Variants in ASIC2 observed in about 807,000 individuals in gnomAD.
ASIC2 encodes the protein acid sensing ion channel subunit 2.
ASIC2 carries 25 observed loss-of-function variants against 57.3 expected under a neutral mutation model. The ratio of observed to expected loss-of-function variants is 0.44; its 90% CI spans 0.32 to 0.61. ASIC2 has a LOEUF of 0.61. Among genes scored for constraint, ASIC2 ranks in the 20% least tolerant of loss-of-function variants. The pLI is 0.06. For synonymous variants in ASIC2, 319 were observed against 307.5 expected, an observed-to-expected ratio of 1.04 and a Z score of -0.39; for missense variants, 641 against 738.1, an observed-to-expected ratio of 0.87 and a Z score of 1.52.
intron 1 of ASIC2, among the ~76,000 whole-genome samples, chr17:33,238,079 T>A (rs1908364133): frequency 6.6e-6 from 1 of 152,318 alleles, no homozygotes; most frequent in Non-Finnish European, 1.5e-5. Context: ...AGCAATGTAA[T>A]AAAGGCGGCT....
intron 1 of ASIC2, among the ~76,000 whole-genome samples, chr17:33,799,402 CTTTTCT>C (rs1452576285): frequency 3.3e-5 from 2 of 60,750 alleles, no homozygotes; most frequent in African/African-American, 5.9e-5. Context: ...TTCTTTCTTT[CTTTTCT>C]TTCTTTCTTT....
intron 1 of ASIC2, among the ~76,000 whole-genome samples, chr17:33,210,682 C>A (rs1250924233): frequency 6.6e-6 from 1 of 152,216 alleles, no homozygotes; most frequent in East Asian, 1.9e-4. Context: ...TGGGGGCAGA[C>A]AACGAGGAGG....
chr17:33,164,799 C>T (rs568514164), intron 1 of ASIC2, among the ~76,000 whole-genome samples: 26 of 152,128 alleles, frequency 1.7e-4, no homozygotes, highest in Non-Finnish European at 3.4e-4. Flanking sequence ...CAGAATGCCC[C>T]TTGCCTTGCC....
chr17:33,095,423 A>G (rs1489944563), intron 2 of ASIC2, among the ~76,000 whole-genome samples: 2 of 152,198 alleles, frequency 1.3e-5, no homozygotes, highest in Non-Finnish European at 2.9e-5. Context: ...GACAGGGTCA[A>G]TGTTCATTTA....
chr17:33,806,353 T>TGG (rs1467450466), intron 1 of ASIC2, among the ~76,000 whole-genome samples: 1 of 152,262 alleles, frequency 6.6e-6, no homozygotes, highest in African/African-American at 2.4e-5. Context: ...CCACAAAATA[T>TGG]CATTCTTCTT....
At chr17:33,235,282 A>C (rs1458164715) in intron 1 of ASIC2, among the ~76,000 whole-genome samples, 1 of 152,062 alleles carries the variant, frequency 6.6e-6, no homozygotes, top group East Asian at 1.9e-4. Context: ...CCATTTTAAC[A>C]GGGGCAACCC....
chr17:33,319,454 T>C (rs913093641), intron 1 of ASIC2, among the ~76,000 whole-genome samples: 2 of 152,188 alleles, frequency 1.3e-5, no homozygotes, highest in Non-Finnish European at 2.9e-5. Flanking sequence ...GTTTGTGTTT[T>C]CCCTGTGTTC....
At chr17:33,459,215 G>A (rs1872251750) in intron 1 of ASIC2, among the ~76,000 whole-genome samples, 3 of 152,034 alleles carry the variant, frequency 2.0e-5, no homozygotes, top group South Asian at 2.1e-4. Context: ...GCAGCAGTGA[G>A]TGATTCATCA....
intron 1 of ASIC2, among the ~76,000 whole-genome samples, chr17:33,359,106 A>T (rs1014491706): frequency 6.6e-6 from 1 of 152,210 alleles, no homozygotes; most frequent in African/African-American, 2.4e-5. Context: ...GATGATCTAG[A>T]TATACTTGAA....
At chr17:33,758,546 G>T (rs536083278) in intron 1 of ASIC2, among the ~76,000 whole-genome samples, 1 of 152,236 alleles carries the variant, frequency 6.6e-6, no homozygotes, top group South Asian at 2.1e-4. Context: ...ACATTAAGAG[G>T]TGGGGCCTTT....
chr17:33,929,924 A>G (rs1455339214), intron 1 of ASIC2, among the ~76,000 whole-genome samples: 2 of 152,268 alleles, frequency 1.3e-5, no homozygotes, highest in African/African-American at 4.8e-5. Context: ...CCCTTGGCTC[A>G]TAACAAGCTA....
At chr17:33,782,130 G>T (rs964888652) in intron 1 of ASIC2, among the ~76,000 whole-genome samples, 4 of 152,086 alleles carry the variant, frequency 2.6e-5, no homozygotes, top group Non-Finnish European at 5.9e-5. Context: ...TTCAACCAGG[G>T]TCTTTTGTAG....
chr17:33,220,797 G>A (rs935963364), intron 1 of ASIC2, among the ~76,000 whole-genome samples: 11 of 152,168 alleles, frequency 7.2e-5, no homozygotes, highest in Non-Finnish European at 8.8e-5. Flanking sequence ...GCCAGGCGCC[G>A]TGGCTCATAC....
chr17:34,086,724 T>C (rs1331753192), intron 1 of ASIC2, among the ~76,000 whole-genome samples: 1 of 152,328 alleles, frequency 6.6e-6, no homozygotes, highest in Admixed American at 6.5e-5. Flanking sequence ...TGGGTGCTCC[T>C]GTATTGGGTG....
chr17:33,164,488 C>T (rs1285917059), intron 1 of ASIC2, among the ~76,000 whole-genome samples: 2 of 151,968 alleles, frequency 1.3e-5, no homozygotes, highest in Non-Finnish European at 2.9e-5. Context: ...CCTCTTGGCT[C>T]AAACCTCAGG....
intron 1 of ASIC2, among the ~76,000 whole-genome samples, chr17:33,333,150 C>G (rs1907383906): frequency 1.3e-5 from 2 of 152,164 alleles, no homozygotes; most frequent in Non-Finnish European, 2.9e-5. Flanking sequence ...TCTTCATGCT[C>G]CTGCCTTTGT....
chr17:33,661,649 A>G (rs907618501), intron 1 of ASIC2, among the ~76,000 whole-genome samples: 2 of 152,236 alleles, frequency 1.3e-5, no homozygotes, highest in African/African-American at 4.8e-5. Context: ...ATGCTCTGCT[A>G]GCATGGAGAA....
intron 1 of ASIC2, among the ~76,000 whole-genome samples, chr17:33,362,458 G>A (rs1908647623): frequency 6.6e-6 from 1 of 152,230 alleles, no homozygotes; most frequent in African/African-American, 2.4e-5. Flanking sequence ...AAACCAGGAA[G>A]GTCAGGTCTG....
intron 1 of ASIC2, among the ~76,000 whole-genome samples, chr17:34,063,825 G>A (rs1909060559): frequency 6.6e-6 from 1 of 152,022 alleles, no homozygotes; most frequent in African/African-American, 2.4e-5. Flanking sequence ...CAAAGGAGTC[G>A]AAAGACCTCT....
Sources: gnomAD v4.1 joint callset for allele counts (sites outside exome capture counted in the v4.1 genomes callset) on GRCh38, gnomAD v4.1.1 for gene constraint, MANE v1.5 for transcripts, NCBI Gene and HGNC (gene_info 2026-07-23, HGNC 2026-07-21) for gene names.